The following ENPP2 variants were observed in gnomAD, a reference collection of about 807,000 sequenced individuals.
ENPP2 encodes the protein ectonucleotide pyrophosphatase/phosphodiesterase 2.
ENPP2 carries 51 observed loss-of-function variants against 120.2 expected under a neutral mutation model. The ratio of observed to expected loss-of-function variants is 0.42; its 90% CI spans 0.34 to 0.54. The LOEUF (loss-of-function observed/expected upper bound fraction) is 0.54. Ranked by LOEUF, ENPP2 falls within the 20% of genes least tolerant of loss-of-function variation. The pLI, the probability that ENPP2 is intolerant of heterozygous loss-of-function variation, is 0.04. For synonymous variants in ENPP2, 365 were observed against 366.4 expected, an observed-to-expected ratio of 1.00 and a Z score of 0.04; for missense variants, 920 against 1,066.5, an observed-to-expected ratio of 0.86 and a Z score of 1.91.
intron 1 of ENPP2, among the ~76,000 whole-genome samples, chr8:119,646,476 G>A (rs1224369695): frequency 1.3e-5 from 2 of 152,166 alleles, no homozygotes; most frequent in African/African-American, 2.4e-5. Flanking sequence ...TCTGATGCGA[G>A]TTTGAGGACC....
At chr8:119,638,981 C>A, upstream of ENPP2, 1 of 626,382 alleles carries the variant, frequency 1.6e-6, no homozygotes, top group Non-Finnish European at 2.8e-6. Context: ...CTTAAGCTAT[C>A]ATCCCCCTTA....
intron 15 of ENPP2, among the ~76,000 whole-genome samples, chr8:119,584,604 C>T (rs1812980324): frequency 6.6e-6 from 1 of 152,098 alleles, no homozygotes; most frequent in African/African-American, 2.4e-5. Flanking sequence ...TACAATACAA[C>T]TAGAGTACAA....
In ENPP2 at chr8:119,586,287, C is replaced by T; in HGVS notation, c.1266G>A (p.Lys422=). 6.2e-7 allele frequency: 1 copy of T among 1,613,944 alleles called. No homozygotes were observed. The highest frequency in any genetic ancestry group is 8.5e-7 in the Non-Finnish European group (1 of 1,179,892). The change falls in exon 15 of 25, where the codon AAG becomes AAA. Residue 422 remains lysine, a synonymous_variant. Transcript: ENST00000075322. ...TGGGAAGGTGCTGTTTCAAGTAAGG[C>T]TTAAAGTGCTGATCTGGTTTTTTAC... ...LTCKKPDQHF[K]PYLKQHLPKR...
At chr8:119,595,969 T>C (rs775157146) in intron 11 of ENPP2, 1 of 1,614,022 alleles carries the variant, frequency 6.2e-7, no homozygotes, top group East Asian at 2.2e-5. Context: ...TTAGGTCTCT[T>C]AGCCGGAGTA....
chr8:119,586,251 G>A lies in ENPP2; in HGVS notation c.1302C>T (p.His434=), dbSNP rs765445254. The part of the protein sequence containing the change: ...YLKQHLPKRL[H]YANNRRIEDI... The stretch of plus-strand genomic sequence containing the variant: ...CCTCAATTCTTCTGTTGTTGGCATA[G>A]TGCAAACGTTTGGGAAGGTGCTGTT... Residue 434 remains histidine (H), a synonymous_variant, in exon 15 of 25, where the codon CAC becomes CAT. Coordinates refer to ENST00000075322, the MANE Select transcript of ENPP2 (RefSeq NM_001040092.3). 1 of 1,613,632 alleles carries A rather than the reference G, an allele frequency of 6.2e-7. No individual in the cohort carries two copies. Among genetic ancestry groups the A allele is most frequent in the Non-Finnish European group, 8.5e-7 (1 of 1,179,558 alleles).
intron 19 of ENPP2, among the ~76,000 whole-genome samples, chr8:119,574,274 G>A (rs2130171863): frequency 6.6e-6 from 1 of 152,086 alleles, no homozygotes; most frequent in Middle Eastern, 3.4e-3. Context: ...GCCACAAAAT[G>A]TACTTGAATC....
chr8:119,625,710 G>C (rs549685395), intron 3 of ENPP2, among the ~76,000 whole-genome samples: 1 of 152,292 alleles, frequency 6.6e-6, no homozygotes, highest in African/African-American at 2.4e-5. Context: ...AAGCATGGTG[G>C]ATAGCTTACA....
chr8:119,561,018 T>C (rs1813883559), intron 24 of ENPP2, among the ~76,000 whole-genome samples: 1 of 152,246 alleles, frequency 6.6e-6, no homozygotes, highest in Admixed American at 6.5e-5. Context: ...GCTCCTGCTA[T>C]GATATCTACT....
chr8:119,601,356 T>G (rs1309938150), intron 10 of ENPP2, 41 bp downstream of exon 10: 2 of 1,324,382 alleles, frequency 1.5e-6, no homozygotes, highest in East Asian at 2.3e-5. Context: ...TAAACTAAGA[T>G]AGAAATGTAC....
At position 119,572,205 on chromosome 8, in the gene ENPP2, T is replaced by C. The variant is rs1188822390; in HGVS notation, c.1781-1364A>G. 1.9e-6 allele frequency: 3 copies of C among 1,555,018 alleles called. No homozygotes were observed. In the African/African-American group the frequency reaches 4.1e-5, roughly 21 times the overall value. On this transcript the variant is annotated intron_variant, in intron 19 of 24. Transcript: ENST00000075322. ...TCTAGGTTCAAAATTTCCATTAATG[T>C]TTTCCTTGTTTTCATTTCTGCTGCC...
chr8:119,563,139 T>C, intron 23 of ENPP2, 126 bp from the exon 24 acceptor site: 4 of 779,922 alleles, frequency 5.1e-6, no homozygotes, highest in Non-Finnish European at 8.1e-6. Context: ...GAATCATTTT[T>C]CACTTCTAAG....
chr8:119,634,827 G>C (rs1816901750), intron 2 of ENPP2, among the ~76,000 whole-genome samples: 1 of 152,284 alleles, frequency 6.6e-6, no homozygotes, highest in African/African-American at 2.4e-5. Flanking sequence ...AGATTTCTGA[G>C]TATGTAAACT....
chr8:119,600,694 C>T lies in ENPP2; in HGVS notation c.956G>A (p.Gly319Asp). The change falls in exon 11 of 25, where the codon GGC becomes GAC. Residue 319 changes from glycine (G) to aspartate (D), a missense_variant. Coordinates refer to ENST00000075322, the MANE Select transcript of ENPP2 (RefSeq NM_001040092.3). ...ACCACTAACCTCAGGGCCGAAAGGGCCATATTTGTGTCCAGAGAAATCAGG... is the reference window on the plus strand; with the variant it reads ...ACCACTAACCTCAGGGCCGAAAGGGTCATATTTGTGTCCAGAGAAATCAGG... ...EQPDFSGHKY[G>D]PFGPEMTNPL... is the part of the protein sequence containing the mutation. 1.2e-6 allele frequency: 2 copies of T among 1,611,584 alleles called. No individual in the cohort carries two copies. Among genetic ancestry groups the T allele is most frequent in the Non-Finnish European group, 1.7e-6 (2 of 1,177,836 alleles).
At chr8:119,639,421 G>A (rs1194000341), upstream of ENPP2, among the ~76,000 whole-genome samples, 1 of 152,130 alleles carries the variant, frequency 6.6e-6, no homozygotes, top group Non-Finnish European at 1.5e-5. Context: ...TCGCAAAATT[G>A]TAACTAACAT....
In ENPP2 at chr8:119,569,288, C is replaced by T; in HGVS notation, c.2000G>A (p.Cys667Tyr). The T allele has an allele frequency of 6.2e-7, 1 of 1,614,040 alleles. No homozygotes were observed. Among genetic ancestry groups the T allele is most frequent in the African/African-American group, 1.3e-5 (1 of 75,016 alleles). The change falls in exon 21 of 25, where the codon TGT becomes TAT. Residue 667 changes from cysteine to tyrosine, a missense_variant. Transcript: ENST00000075322. ...VRVSPSFSQN[C>Y]LAYKNDKQMS... is the part of the protein sequence containing the mutation. ...CTGCTTATCATTTTTGTAGGCCAAA[C>T]AGTTCTGACTGAAACTCGGAGAAAC...
upstream of ENPP2, among the ~76,000 whole-genome samples, chr8:119,641,268 G>A (rs543845717): frequency 8.3e-4 from 125 of 151,292 alleles, no homozygotes; most frequent in African/African-American, 2.8e-3. Flanking sequence ...TCCCTACCTC[G>A]GCTATCAAAT....
chr8:119,587,987 A>G (rs1027617848), intron 13 of ENPP2, among the ~76,000 whole-genome samples: 2 of 152,194 alleles, frequency 1.3e-5, no homozygotes, highest in Non-Finnish European at 2.9e-5. Context: ...TGTTCAGAGT[A>G]GACACTCAAT....
chr8:119,597,739 T>C lies in ENPP2; in HGVS notation c.972+2939A>G, dbSNP rs549920159. On this transcript the variant is annotated intron_variant, in intron 11 of 24. Coordinates refer to ENST00000075322, the MANE Select transcript of ENPP2 (RefSeq NM_001040092.3). ...TTGCGCCAATAATCAAAAGCAAGCA[T>C]ATTTTTGAACATTCACCATTACACT... Among the ~76,000 whole-genome samples, 20 of 152,334 alleles carry C rather than the reference T, an allele frequency of 1.3e-4. No individual in the cohort carries two copies. In the East Asian group the frequency reaches 3.9e-3, roughly 29 times the overall value.
At chr8:119,670,253 G>A (rs1017986867) in intron 1 of ENPP2, among the ~76,000 whole-genome samples, 3 of 152,146 alleles carry the variant, frequency 2.0e-5, no homozygotes, top group South Asian at 2.1e-4. Flanking sequence ...CCACAGACTC[G>A]AGGCATTATT....
Sources: allele counts gnomAD v4.1 joint callset (sites outside exome capture counted in the v4.1 genomes callset), GRCh38; gene constraint gnomAD v4.1.1; transcripts MANE v1.5; gene names NCBI Gene and HGNC (gene_info 2026-07-23, HGNC 2026-07-21).